SIMC1: variants seen among roughly 807,000 people sequenced by gnomAD.
SIMC1 encodes the protein SUMO interacting motifs containing 1.
SIMC1 carries 55 observed loss-of-function variants against 82.3 expected under a neutral mutation model. The observed-to-expected ratio is 0.67, with a 90% CI of 0.54 to 0.84. The LOEUF is 0.84. Among genes scored for constraint, SIMC1 ranks in the 40% least tolerant of loss-of-function variants. The pLI, the probability that SIMC1 is intolerant of heterozygous loss-of-function variation, is 0.00. For synonymous variants in SIMC1, 353 were observed against 426.3 expected, an observed-to-expected ratio of 0.83 and a Z score of 2.12; for missense variants, 915 against 1,107.2, an observed-to-expected ratio of 0.83 and a Z score of 2.46.
At chr5:176,313,560 C>T in intron 4 of SIMC1, 131 bp from the exon 5 acceptor site, 1 of 1,553,476 alleles carries the variant, frequency 6.4e-7, no homozygotes, top group Non-Finnish European at 8.8e-7. Context: ...TCCTAGGAGC[C>T]TCTCTTTTAA....
At chr5:176,277,716 C>T (rs1297165437) in intron 1 of SIMC1, among the ~76,000 whole-genome samples, 4 of 152,002 alleles carry the variant, frequency 2.6e-5, no homozygotes, top group African/African-American at 9.7e-5. Context: ...ATCCTTTCCC[C>T]ATTGCTTGTT....
chr5:176,305,735 C>T (rs1764322017), intron 4 of SIMC1, among the ~76,000 whole-genome samples: 1 of 76,112 alleles, frequency 1.3e-5, no homozygotes, highest in African/African-American at 5.4e-5. Context: ...CCCGGCCAGC[C>T]GCCCCGTCCG....
At chr5:176,282,736 A>G (rs1763071514) in intron 1 of SIMC1, among the ~76,000 whole-genome samples, 1 of 152,230 alleles carries the variant, frequency 6.6e-6, no homozygotes, top group Non-Finnish European at 1.5e-5. Context: ...TAGCTAAAGG[A>G]GCATGTTTGA....
chr5:176,320,260 A>G (rs945848489), intron 5 of SIMC1, among the ~76,000 whole-genome samples: 2 of 152,140 alleles, frequency 1.3e-5, no homozygotes, highest in African/African-American at 4.8e-5. Flanking sequence ...CACAAAGTTA[A>G]CTTGTAGTCT....
At position 176,263,246 on chromosome 5, in the gene SIMC1, G is replaced by A. The variant is rs2560153; in HGVS notation, c.129+24609G>A. Among the ~76,000 whole-genome samples the A allele has an allele frequency of 9.8e-4, 149 of 152,274 alleles. No homozygotes were observed. In the South Asian group the frequency reaches 0.017, roughly 18 times the overall value. On this transcript the variant is annotated intron_variant, in intron 1 of 9. Coordinates refer to ENST00000429602, the MANE Select transcript of SIMC1 (RefSeq NM_001308195.2). Reference sequence around the variant, plus strand: ...TGGTAGATTCAATGCAATCCCAATCGAAATCCCAGCAATTTGTTCTATGAA... The same window carrying A: ...TGGTAGATTCAATGCAATCCCAATCAAAATCCCAGCAATTTGTTCTATGAA...
At chr5:176,328,576 G>T (rs924549504) in intron 7 of SIMC1, among the ~76,000 whole-genome samples, 1 of 152,050 alleles carries the variant, frequency 6.6e-6, no homozygotes, top group Non-Finnish European at 1.5e-5. Context: ...ATGACCTTGA[G>T]CAGTAGGATA....
At chr5:176,340,118 T>C (rs1270056558) in intron 9 of SIMC1, among the ~76,000 whole-genome samples, 1 of 152,196 alleles carries the variant, frequency 6.6e-6, no homozygotes, top group East Asian at 1.9e-4. Context: ...GAAAAGAGAT[T>C]AGGTAAATTC....
At chr5:176,305,696 G>A (rs1764316935) in intron 4 of SIMC1, among the ~76,000 whole-genome samples, 5 of 103,562 alleles carry the variant, frequency 4.8e-5, no homozygotes, top group Non-Finnish European at 1.0e-4. Context: ...CGCCCCGTCC[G>A]GGAGGGAGGT....
intron 2 of SIMC1, among the ~76,000 whole-genome samples, chr5:176,291,982 G>T (rs1204595409): frequency 6.6e-6 from 1 of 152,110 alleles, no homozygotes; most frequent in East Asian, 1.9e-4. Context: ...CCTGAATCTG[G>T]GAGGCGGAGG....
chr5:176,341,293 C>T (rs1309423440), intron 9 of SIMC1, among the ~76,000 whole-genome samples: 1 of 152,186 alleles, frequency 6.6e-6, no homozygotes, highest in African/African-American at 2.4e-5. Flanking sequence ...AACAAGCTAG[C>T]AGGGCAAGGA....
Position 176,275,615 on chromosome 5 carries a change from T to C in SIMC1, c.130-14039T>C, listed in dbSNP as rs912309490. ...TATGATATTGGCTGTGGGTTTGTCA[T>C]AGATAGCTCTTATTATTTTGAGATA... is the stretch of plus-strand genomic sequence containing the variant. On this transcript the variant is annotated intron_variant, in intron 1 of 9. Transcript: ENST00000429602. 1.6e-3 allele frequency among the ~76,000 whole-genome samples: 241 copies of C among 151,952 alleles called. 2 individuals carry two copies. Among genetic ancestry groups the C allele is most frequent in the African/African-American group, 5.5e-3 (230 of 41,534 alleles).
intron 5 of SIMC1, among the ~76,000 whole-genome samples, chr5:176,316,323 C>G (rs184226545): frequency 1.3e-5 from 2 of 152,150 alleles, no homozygotes; most frequent in Admixed American, 1.3e-4. Flanking sequence ...ATTTTCACCT[C>G]CTGTGGTGTG....
chr5:176,309,325 G>C (rs1050621901), intron 4 of SIMC1, among the ~76,000 whole-genome samples: 2 of 152,066 alleles, frequency 1.3e-5, no homozygotes, highest in African/African-American at 4.8e-5. Context: ...CCATAGCAAG[G>C]AGAAAAAAGA....
intron 4 of SIMC1, among the ~76,000 whole-genome samples, chr5:176,305,921 C>T (rs1244323889): frequency 7.3e-5 from 6 of 82,598 alleles, no homozygotes; most frequent in African/African-American, 2.5e-4. Flanking sequence ...TCTGCCCGGC[C>T]GCCCCTACTG....
At chr5:176,331,653 A>G (rs1028484372) in intron 7 of SIMC1, among the ~76,000 whole-genome samples, 1 of 151,566 alleles carries the variant, frequency 6.6e-6, no homozygotes, top group African/African-American at 2.4e-5. Flanking sequence ...TCAAAGAAAA[A>G]CAGACAGACA....
At chr5:176,332,253 T>C (rs891652647) in intron 7 of SIMC1, among the ~76,000 whole-genome samples, 2 of 152,166 alleles carry the variant, frequency 1.3e-5, no homozygotes, top group African/African-American at 4.8e-5. Flanking sequence ...GGCTTTTAGT[T>C]CTCTTTTTTA....
At chr5:176,313,581 A>G in intron 4 of SIMC1, 110 bp from the exon 5 acceptor site, 2 of 1,559,082 alleles carry the variant, frequency 1.3e-6, no homozygotes, top group Non-Finnish European at 1.7e-6. Flanking sequence ...GCACAGGCAT[A>G]CTTGTTGATG....
At chr5:176,335,117 A>C (rs1411299095) in intron 7 of SIMC1, among the ~76,000 whole-genome samples, 2 of 151,722 alleles carry the variant, frequency 1.3e-5, no homozygotes, top group African/African-American at 4.8e-5. Flanking sequence ...AAATAATAAT[A>C]ATAATCATCA....
In SIMC1 at chr5:176,284,778, G is replaced by A. The variant is rs545957809; in HGVS notation, c.130-4876G>A. 5.3e-5 allele frequency among the ~76,000 whole-genome samples: 8 copies of A among 152,030 alleles called. No individual in the cohort carries two copies. In the South Asian group the frequency reaches 1.0e-3, roughly 20 times the overall value. Reference sequence around the variant, plus strand: ...AAATGATAAAGGGGTTATCACCACCGATCCCACAGAAATACAAACTAACCT... The same window carrying A: ...AAATGATAAAGGGGTTATCACCACCAATCCCACAGAAATACAAACTAACCT... On this transcript the variant is annotated intron_variant, in intron 1 of 9. Transcript: ENST00000429602.
Sources: allele counts gnomAD v4.1 joint callset (sites outside exome capture counted in the v4.1 genomes callset), GRCh38; gene constraint gnomAD v4.1.1; transcripts MANE v1.5; gene names NCBI Gene and HGNC (gene_info 2026-07-23, HGNC 2026-07-21).